Variants in TBC1D19 observed in about 807,000 individuals in gnomAD.
TBC1D19 encodes TBC1 domain family member 19, also known as TBC1 domain family, member 19.
A neutral mutation model predicts 89.0 loss-of-function variants in TBC1D19; 60 were observed. The observed-to-expected ratio is 0.67, with a 90% CI of 0.55 to 0.84. The LOEUF (loss-of-function observed/expected upper bound fraction) is 0.84, where lower values mean the gene tolerates loss of function less well. Ranked by LOEUF, TBC1D19 falls within the 40% of genes least tolerant of loss-of-function variation. The pLI is 0.00. For missense variants in TBC1D19, 500 were observed against 610.8 expected (o/e 0.82, Z 1.91); for synonymous variants, 189 against 199.7 (o/e 0.95, Z 0.45).
At chr4:26,855,521 C>T in the TBC1D19 span, among the ~76,000 whole-genome samples, 39 of 152,276 alleles carry the variant, frequency 2.6e-4, no homozygotes, top group South Asian at 3.9e-3. Context: ...CCTCACCTTA[C>T]GAAGGGTTTT....
At chr4:26,666,624 G>T (rs999989185) in intron 9 of TBC1D19, among the ~76,000 whole-genome samples, 1 of 151,846 alleles carries the variant, frequency 6.6e-6, no homozygotes, top group Non-Finnish European at 1.5e-5. Context: ...TCTTTAAAAT[G>T]ATTTTGAAAA....
the TBC1D19 span, among the ~76,000 whole-genome samples, chr4:26,823,227 T>G: frequency 6.6e-6 from 1 of 152,092 alleles, no homozygotes; most frequent in African/African-American, 2.4e-5. Context: ...CTCGTGAAAC[T>G]TATTCACTAT....
At chr4:26,588,263 G>A (rs1461778148) in intron 1 of TBC1D19, among the ~76,000 whole-genome samples, 1 of 152,034 alleles carries the variant, frequency 6.6e-6, no homozygotes, top group African/African-American at 2.4e-5. Context: ...CTGACCTCGT[G>A]ATCCGCCCGC....
At chr4:26,641,028 G>A (rs116151786) in intron 7 of TBC1D19, among the ~76,000 whole-genome samples, 6,253 of 152,306 alleles carry the variant, frequency 0.041, 199 homozygotes, top group Non-Finnish European at 0.057. Flanking sequence ...ATCCCTGTCT[G>A]TCAGCTCCGA....
chr4:26,695,814 AT>A (rs1714722141), intron 13 of TBC1D19, among the ~76,000 whole-genome samples: 1 of 152,202 alleles, frequency 6.6e-6, no homozygotes, highest in Non-Finnish European at 1.5e-5. Context: ...ATGCTGAGAG[AT>A]TTTGTCACCA....
the TBC1D19 span, among the ~76,000 whole-genome samples, chr4:26,848,375 A>G: frequency 1.3e-5 from 2 of 152,306 alleles, no homozygotes; most frequent in African/African-American, 4.8e-5. Context: ...CATGTAGCCA[A>G]TTTCTTACAC....
chr4:26,770,758 A>G, the TBC1D19 span, among the ~76,000 whole-genome samples: 1 of 152,172 alleles, frequency 6.6e-6, no homozygotes, highest in Non-Finnish European at 1.5e-5. Context: ...GATTCAAGCC[A>G]TATAAAGTAT....
chr4:26,602,108 T>C (rs961485166), intron 1 of TBC1D19, among the ~76,000 whole-genome samples: 6 of 152,210 alleles, frequency 3.9e-5, no homozygotes, highest in African/African-American at 1.4e-4. Flanking sequence ...AAATCTTTCA[T>C]GCATAAAAGA....
At chr4:26,740,580 T>C in intron 17 of TBC1D19, 1 of 867,384 alleles carries the variant, frequency 1.2e-6, no homozygotes, top group Non-Finnish European at 1.4e-6. Context: ...TATTTAGGAG[T>C]TGAACATTTT....
At chr4:26,787,463 C>T in the TBC1D19 span, among the ~76,000 whole-genome samples, 3 of 152,034 alleles carry the variant, frequency 2.0e-5, no homozygotes, top group South Asian at 2.1e-4. Flanking sequence ...CATGGGATTA[C>T]AGCCAGGCCT....
chr4:26,658,126 T>C (rs1338267270), intron 7 of TBC1D19, among the ~76,000 whole-genome samples: 1 of 152,184 alleles, frequency 6.6e-6, no homozygotes, highest in African/African-American at 2.4e-5. Context: ...TTTGTTGCCA[T>C]TGCTTTTGGT....
At chr4:26,676,587 T>G (rs1353544103) in intron 11 of TBC1D19, among the ~76,000 whole-genome samples, 3 of 151,732 alleles carry the variant, frequency 2.0e-5, no homozygotes, top group Non-Finnish European at 4.4e-5. Context: ...GGCATGGTAG[T>G]GCATGCCTGT....
chr4:26,686,138 A>C (rs1025900905), intron 12 of TBC1D19, among the ~76,000 whole-genome samples: 1 of 152,208 alleles, frequency 6.6e-6, no homozygotes, highest in African/African-American at 2.4e-5. Context: ...TAAAAAAAAA[A>C]ATCCCTGTTA....
At chr4:26,852,710 C>T in the TBC1D19 span, among the ~76,000 whole-genome samples, 1 of 152,158 alleles carries the variant, frequency 6.6e-6, no homozygotes, top group Non-Finnish European at 1.5e-5. Context: ...ACCTCTGCCT[C>T]CCGGGTTCAC....
chr4:26,670,274 C>CT (rs2109102305), intron 9 of TBC1D19, among the ~76,000 whole-genome samples: 1 of 151,048 alleles, frequency 6.6e-6, no homozygotes, highest in South Asian at 2.1e-4. Context: ...ATCCCAGACA[C>CT]TTTCCTTAGT....
chr4:26,725,205 T>C (rs79611600), intron 15 of TBC1D19, among the ~76,000 whole-genome samples: 1,723 of 152,306 alleles, frequency 0.011, 35 homozygotes, highest in African/African-American at 0.04. Context: ...AAATGCCATA[T>C]GCTCTCTTAC....
the TBC1D19 span, among the ~76,000 whole-genome samples, chr4:26,821,998 C>T: frequency 2.9e-3 from 436 of 152,316 alleles, 3 homozygotes; most frequent in African/African-American, 9.8e-3. Flanking sequence ...CTGCAGCAGT[C>T]GCCACATGGG....
At chr4:26,672,902 G>A (rs984259194) in intron 10 of TBC1D19, among the ~76,000 whole-genome samples, 1 of 151,616 alleles carries the variant, frequency 6.6e-6, no homozygotes, top group African/African-American at 2.4e-5. Flanking sequence ...TTTATTTCAT[G>A]ATTCCTTTGT....
At chr4:26,625,925 TC>T (rs1742362630) in intron 4 of TBC1D19, among the ~76,000 whole-genome samples, 1 of 152,110 alleles carries the variant, frequency 6.6e-6, no homozygotes, top group African/African-American at 2.4e-5. Flanking sequence ...GTAATGTTAC[TC>T]TTTTTCCCTC....
Sources: allele counts gnomAD v4.1 joint callset (sites outside exome capture counted in the v4.1 genomes callset), GRCh38; gene constraint gnomAD v4.1.1; transcripts MANE v1.5; gene names NCBI Gene and HGNC (gene_info 2026-07-23, HGNC 2026-07-21).